Variants in HDAC8 observed in about 807,000 individuals in gnomAD.
The protein encoded by HDAC8 is histone deacetylase 8.
In HDAC8, 1 loss-of-function variant was observed where a neutral mutation model predicts 32.2. The ratio of observed to expected loss-of-function variants is 0.03; its 90% CI spans 0.01 to 0.15. HDAC8 has a LOEUF of 0.15. Among genes scored for constraint, HDAC8 ranks in the 10% least tolerant of loss-of-function variants. HDAC8 has a pLI of 1.00. For synonymous variants in HDAC8, 108 were observed against 113.9 expected, an observed-to-expected ratio of 0.95 and a Z score of 0.33; for missense variants, 117 against 300.0, an observed-to-expected ratio of 0.39 and a Z score of 4.51.
At chrX:72,443,138 G>A (rs1403318273) in intron 9 of HDAC8, among the ~76,000 whole-genome samples, 1 of 110,622 alleles carries the variant, frequency 9.0e-6, no homozygotes, top group Non-Finnish European at 1.9e-5. Context: ...GAGACAGAAA[G>A]TTAACAAGGA....
intron 4 of HDAC8, among the ~76,000 whole-genome samples, chrX:72,507,064 G>T (rs2049415583): frequency 9.0e-6 from 1 of 110,692 alleles, no homozygotes; most frequent in Admixed American, 9.6e-5. Flanking sequence ...GCCCAGGCTG[G>T]CCTCGAACTC....
In HDAC8 at chrX:72,329,537, A is replaced by T. The variant is rs181689499; in HGVS notation, c.*517T>A. On this transcript the variant is annotated 3_prime_UTR_variant, in exon 11 of 11. Coordinates refer to ENST00000373573, the MANE Select transcript of HDAC8 (RefSeq NM_018486.3). Reference sequence around the variant, plus strand: ...GAGGTAGGTTTTCAAAGATTTTATTAAAAAAACCAAAGATATATAACACTA... The same window carrying T: ...GAGGTAGGTTTTCAAAGATTTTATTTAAAAAACCAAAGATATATAACACTA... 1.6e-3 allele frequency: 1,035 copies of T among 642,207 alleles called. 2 individuals are homozygous for T. The highest frequency in any genetic ancestry group is 3.3e-3 in the Admixed American group (81 of 24,517). The allele number at this position is 642,207 out of a possible 1,213,427, so 52.9% of individuals were successfully genotyped here.
chrX:72,414,711 G>A (rs781828043), intron 9 of HDAC8, among the ~76,000 whole-genome samples: 60 of 111,905 alleles, frequency 5.4e-4, no homozygotes, highest in Admixed American at 1.1e-3. Context: ...AGAGAGGTGG[G>A]GAGGAATGGG....
intron 7 of HDAC8, chrX:72,473,815 C>A (rs1313262592): frequency 1.6e-5 from 12 of 753,203 alleles, no homozygotes; most frequent in Non-Finnish European, 1.7e-5. Flanking sequence ...ATGATTCCCT[C>A]ATTCTAAAAC....
At chrX:72,347,928 C>T (rs1232448789) in intron 10 of HDAC8, among the ~76,000 whole-genome samples, 1 of 111,825 alleles carries the variant, frequency 8.9e-6, no homozygotes, top group East Asian at 2.8e-4. Flanking sequence ...CTTGAATGGA[C>T]TCTCCATGGT....
At chrX:72,479,201 C>T (rs895645809) in intron 7 of HDAC8, among the ~76,000 whole-genome samples, 8 of 111,572 alleles carry the variant, frequency 7.2e-5, no homozygotes, top group Admixed American at 4.8e-4. Flanking sequence ...CATAACATGT[C>T]GAAGCAAAAC....
At chrX:72,375,068 C>G (rs1162152341) in intron 9 of HDAC8, among the ~76,000 whole-genome samples, 1 of 111,830 alleles carries the variant, frequency 8.9e-6, no homozygotes, top group Non-Finnish European at 1.9e-5. Flanking sequence ...AAGTGATCCT[C>G]CTGCCTTGGC....
At chrX:72,511,662 G>C (rs189094794) in intron 4 of HDAC8, among the ~76,000 whole-genome samples, 4 of 112,261 alleles carry the variant, frequency 3.6e-5, no homozygotes, top group Admixed American at 2.8e-4. Context: ...TCAGGAGAGA[G>C]AGAAGAGTGT....
At position 72,329,756 on chromosome X, in the gene HDAC8, C is replaced by G. The variant is rs940674009; in HGVS notation, c.*298G>C. ...GATTAAAATACTCCCCTCCCCAATT[C>G]GCTTAAAAATAATTTTCAAAGATTA... is the stretch of plus-strand genomic sequence containing the variant. On this transcript the variant is annotated 3_prime_UTR_variant, in exon 11 of 11. Transcript: ENST00000373573. 1 of 1,147,111 alleles carries G rather than the reference C, an allele frequency of 8.7e-7. No homozygotes were observed. The highest frequency in any genetic ancestry group is 2.7e-5 in the Admixed American group (1 of 36,786). The allele number at this position is 1,147,111 out of a possible 1,213,427, so 94.5% of individuals were successfully genotyped here. A position where few individuals can be genotyped will look rare whatever the true frequency, so the allele number is the denominator to read the frequency against.
At chrX:72,516,413 T>TC (rs1323188939) in intron 4 of HDAC8, among the ~76,000 whole-genome samples, 9 of 111,098 alleles carry the variant, frequency 8.1e-5, no homozygotes, top group Non-Finnish European at 1.5e-4. Context: ...TTTTTTTTTT[T>TC]CACTAAGTTA....
intron 4 of HDAC8, among the ~76,000 whole-genome samples, chrX:72,548,956 C>T (rs782023425): frequency 4.5e-5 from 5 of 111,542 alleles, no homozygotes; most frequent in African/African-American, 1.6e-4. Context: ...CCTAATTGAC[C>T]CCCCCATAAC....
chrX:72,419,886 A>G (rs1446660942), intron 9 of HDAC8, among the ~76,000 whole-genome samples: 1 of 110,791 alleles, frequency 9.0e-6, no homozygotes, highest in East Asian at 2.8e-4. Flanking sequence ...TCTTTGTTAT[A>G]TTAATGTGAT....
intron 9 of HDAC8, among the ~76,000 whole-genome samples, chrX:72,460,022 A>G (rs1464995173): frequency 1.8e-5 from 2 of 112,423 alleles, no homozygotes; most frequent in African/African-American, 6.5e-5. Flanking sequence ...CTTAAACCAG[A>G]AGGATATGAC....
chrX:72,470,094 G>A (rs184332404), intron 7 of HDAC8, among the ~76,000 whole-genome samples: 1 of 110,343 alleles, frequency 9.1e-6, no homozygotes, highest in East Asian at 2.9e-4. Context: ...GTTGCAGTGA[G>A]CCAAGATCGC....
chrX:72,398,068 A>C (rs782472428), intron 9 of HDAC8, among the ~76,000 whole-genome samples: 1 of 112,432 alleles, frequency 8.9e-6, no homozygotes, highest in Non-Finnish European at 1.9e-5. Context: ...TACTCCCATC[A>C]GAAGTCTTCA....
At chrX:72,570,964 A>G (rs782782713) in intron 2 of HDAC8, among the ~76,000 whole-genome samples, 1 of 112,022 alleles carries the variant, frequency 8.9e-6, no homozygotes, top group East Asian at 2.8e-4. Context: ...TCACTCTGTC[A>G]CCCAGGCTGG....
At chrX:72,445,376 C>T (rs1251707174) in intron 9 of HDAC8, among the ~76,000 whole-genome samples, 1 of 111,383 alleles carries the variant, frequency 9.0e-6, no homozygotes, top group Admixed American at 9.5e-5. Flanking sequence ...AGAAATAATG[C>T]CGCATATCTA....
chrX:72,451,553 G>C (rs2070187885), intron 9 of HDAC8, among the ~76,000 whole-genome samples: 1 of 112,253 alleles, frequency 8.9e-6, no homozygotes, highest in Non-Finnish European at 1.9e-5. Flanking sequence ...GAGGGGAAAA[G>C]ATACATTATA....
intron 9 of HDAC8, among the ~76,000 whole-genome samples, chrX:72,412,276 C>T (rs1443979964): frequency 8.9e-6 from 1 of 112,215 alleles, no homozygotes; most frequent in Non-Finnish European, 1.9e-5. Context: ...CTGTCACTCA[C>T]TATTTGGGAG....
Sources: allele counts gnomAD v4.1 joint callset (sites outside exome capture counted in the v4.1 genomes callset), GRCh38; gene constraint gnomAD v4.1.1; transcripts MANE v1.5; gene names NCBI Gene and HGNC (gene_info 2026-07-23, HGNC 2026-07-21).